Variants in PCLO observed in about 807,000 individuals in gnomAD.
PCLO encodes piccolo presynaptic cytomatrix protein.
Under a neutral mutation model 427.5 loss-of-function variants are expected in PCLO, and 82 were observed. That is an observed-to-expected ratio of 0.19 (90% CI 0.16 to 0.23). The LOEUF is 0.23. Among genes scored for constraint, PCLO ranks in the 10% least tolerant of loss-of-function variants. The probability of loss-of-function intolerance (pLI) is 1.00; values close to 1 mark genes in which losing one functional copy is unlikely to be tolerated. For synonymous variants in PCLO, 2,357 were observed against 2,155.4 expected (o/e 1.09, Z -2.59); for missense variants, 6,239 against 6,115.9 (o/e 1.02, Z -0.67).
At chr7:82,856,562 G>A (rs1792811508) in intron 10 of PCLO, among the ~76,000 whole-genome samples, 1 of 152,082 alleles carries the variant, frequency 6.6e-6, no homozygotes, top group South Asian at 2.1e-4. Flanking sequence ...AGGGATATGA[G>A]TATATTAGTA....
intron 17 of PCLO, 48 bp from the exon 18 acceptor site, chr7:82,826,708 C>G (rs1562804084): frequency 1.6e-6 from 2 of 1,218,062 alleles, no homozygotes; most frequent in Admixed American, 3.7e-5. Flanking sequence ...TTCCATCATA[C>G]ATTTTCATTA....
At chr7:82,971,917 G>T (rs1241493619) in intron 3 of PCLO, among the ~76,000 whole-genome samples, 1 of 151,146 alleles carries the variant, frequency 6.6e-6, no homozygotes, top group Non-Finnish European at 1.5e-5. Flanking sequence ...AATATATTTT[G>T]ACTATGCTAT....
chr7:82,849,653 T>C (rs1792597611), intron 10 of PCLO, among the ~76,000 whole-genome samples: 2 of 152,170 alleles, frequency 1.3e-5, no homozygotes, highest in South Asian at 2.1e-4. Flanking sequence ...AAATTAAATA[T>C]GGCATTTCGA....
chr7:82,899,110 T>G (rs1793978556), intron 9 of PCLO, among the ~76,000 whole-genome samples: 1 of 151,434 alleles, frequency 6.6e-6, no homozygotes, highest in Non-Finnish European at 1.5e-5. Context: ...CATATATACT[T>G]GTATATATAC....
intron 3 of PCLO, among the ~76,000 whole-genome samples, chr7:83,020,897 T>C (rs1399405779): frequency 6.6e-6 from 1 of 152,164 alleles, no homozygotes; most frequent in African/African-American, 2.4e-5. Flanking sequence ...TAGTTGTTTG[T>C]CACCTATTGT....
At chr7:83,013,572 G>A (rs1788138704) in intron 3 of PCLO, among the ~76,000 whole-genome samples, 1 of 152,164 alleles carries the variant, frequency 6.6e-6, no homozygotes, top group Non-Finnish European at 1.5e-5. Context: ...CTGAACGCTT[G>A]ATGACAGAGA....
chr7:83,099,033 G>T (rs1385373992), intron 3 of PCLO, among the ~76,000 whole-genome samples: 1 of 151,886 alleles, frequency 6.6e-6, no homozygotes, highest in Non-Finnish European at 1.5e-5. Context: ...TACATCTGTA[G>T]GGTTAGGCTG....
At chr7:82,848,025 C>G (rs1000859304) in intron 10 of PCLO, among the ~76,000 whole-genome samples, 3 of 152,002 alleles carry the variant, frequency 2.0e-5, no homozygotes, top group African/African-American at 4.8e-5. Context: ...CATTTTTCCT[C>G]TCTATCTAGA....
At chr7:83,106,061 A>G (rs1790847208) in intron 3 of PCLO, among the ~76,000 whole-genome samples, 1 of 152,212 alleles carries the variant, frequency 6.6e-6, no homozygotes, top group African/African-American at 2.4e-5. Context: ...AAAGAGATCG[A>G]GATGCAGAAG....
rs536439985 is a variant in PCLO at position 82,754,972 on chromosome 7, TA to T, written c.*3602del. 15 of 152,102 alleles carry T rather than the reference TA, an allele frequency of 9.9e-5. No homozygotes were observed. The highest frequency in any genetic ancestry group is 2.6e-4 in the African/African-American group (11 of 41,530). 9.4% of individuals were successfully genotyped at this position (152,102 alleles called of 1,614,324 possible). A position where few individuals can be genotyped will look rare whatever the true frequency, so the allele number is the denominator to read the frequency against. ...GTTAGTTATGATTTAAATAATAAAG[TA>T]AAAAAATACTATAAACATCTTTATG... is the stretch of plus-strand genomic sequence containing the variant. On this transcript the variant is annotated 3_prime_UTR_variant, in exon 25 of 25. Transcript: ENST00000333891.
chr7:82,855,306 A>G (rs764923600), intron 10 of PCLO, among the ~76,000 whole-genome samples: 1 of 152,142 alleles, frequency 6.6e-6, no homozygotes, highest in Non-Finnish European at 1.5e-5. Context: ...GACACCTAAG[A>G]GGTGATATAA....
chr7:83,147,725 A>T, intron 2 of PCLO, among the ~76,000 whole-genome samples: 1 of 152,338 alleles, frequency 6.6e-6, no homozygotes, highest in East Asian at 1.9e-4. Flanking sequence ...TAAAGTTTTT[A>T]AATTATACCA....
chr7:82,909,890 A>C (rs2189969), intron 7 of PCLO, among the ~76,000 whole-genome samples: 91,157 of 151,368 alleles, frequency 0.6, 28,406 homozygotes, highest in East Asian at 0.81. Context: ...AATTTCACAG[A>C]TTACTTTTTT....
intron 10 of PCLO, among the ~76,000 whole-genome samples, chr7:82,873,478 T>A (rs1401065046): frequency 6.6e-6 from 1 of 152,084 alleles, no homozygotes. Flanking sequence ...TCATGTCCAG[T>A]TTTAGGCATT....
chr7:82,774,027 C>G (rs1430380197), intron 22 of PCLO, among the ~76,000 whole-genome samples: 1 of 152,198 alleles, frequency 6.6e-6, no homozygotes, highest in Non-Finnish European at 1.5e-5. Flanking sequence ...TGGATTCCGG[C>G]AGCAGCCTCC....
At chr7:83,106,381 G>A (rs1055925883) in intron 3 of PCLO, among the ~76,000 whole-genome samples, 17 of 152,164 alleles carry the variant, frequency 1.1e-4, no homozygotes, top group East Asian at 1.9e-4. Flanking sequence ...TACATCAAGT[G>A]TCCATCACAA....
At chr7:82,997,205 C>T (rs770310394) in intron 3 of PCLO, among the ~76,000 whole-genome samples, 29 of 151,846 alleles carry the variant, frequency 1.9e-4, no homozygotes, top group Non-Finnish European at 3.5e-4. Flanking sequence ...ACCAGCTGAT[C>T]CCTGCCATGG....
At chr7:82,769,222 C>T (rs148140217) in intron 22 of PCLO, among the ~76,000 whole-genome samples, 45 of 152,188 alleles carry the variant, frequency 3.0e-4, no homozygotes, top group African/African-American at 1.0e-3. Flanking sequence ...TAGTCACATA[C>T]TGGACTTTAG....
chr7:82,774,682 A>G (rs1379330254), intron 22 of PCLO, among the ~76,000 whole-genome samples: 1 of 152,186 alleles, frequency 6.6e-6, no homozygotes, highest in African/African-American at 2.4e-5. Context: ...AGCCTCTCCC[A>G]TTATAAACAC....
Sources: gnomAD v4.1 joint callset for allele counts (sites outside exome capture counted in the v4.1 genomes callset) on GRCh38, gnomAD v4.1.1 for gene constraint, MANE v1.5 for transcripts, NCBI Gene and HGNC (gene_info 2026-07-23, HGNC 2026-07-21) for gene names.